SEC62: variants seen among roughly 807,000 people sequenced by gnomAD.
SEC62 encodes translocation protein SEC62.
A neutral mutation model predicts 47.5 loss-of-function variants in SEC62; 10 were observed. The ratio of observed to expected loss-of-function variants is 0.21; its 90% CI spans 0.13 to 0.36. The LOEUF (loss-of-function observed/expected upper bound fraction) is 0.36. Ranked by LOEUF, SEC62 falls within the 10% of genes least tolerant of loss-of-function variation. SEC62 has a pLI of 1.00. For missense variants in SEC62, 327 were observed against 464.1 expected, an observed-to-expected ratio of 0.70 and a Z score of 2.71; for synonymous variants, 136 against 150.5, an observed-to-expected ratio of 0.90 and a Z score of 0.71.
At chr3:169,988,025 A>G (rs546006810) in intron 6 of SEC62, among the ~76,000 whole-genome samples, 12 of 152,354 alleles carry the variant, frequency 7.9e-5, no homozygotes, top group African/African-American at 2.9e-4. Flanking sequence ...TGTAATTTAC[A>G]CTAATAAAAA....
At chr3:169,987,116 A>G (rs1715128129) in intron 6 of SEC62, among the ~76,000 whole-genome samples, 1 of 152,008 alleles carries the variant, frequency 6.6e-6, no homozygotes, top group African/African-American at 2.4e-5. Flanking sequence ...ATATGGTATG[A>G]TAGGATCCCA....
chr3:169,980,199 C>T (rs1714936502), intron 3 of SEC62, among the ~76,000 whole-genome samples: 1 of 151,866 alleles, frequency 6.6e-6, no homozygotes, highest in Non-Finnish European at 1.5e-5. Flanking sequence ...GATGGTGAAA[C>T]TATGAAGAAT....
At chr3:169,979,834 A>G (rs1411453231) in intron 3 of SEC62, among the ~76,000 whole-genome samples, 2 of 152,176 alleles carry the variant, frequency 1.3e-5, no homozygotes, top group Non-Finnish European at 2.9e-5. Flanking sequence ...TGCCAGCTAA[A>G]TCTGAAAACA....
intron 1 of SEC62, among the ~76,000 whole-genome samples, chr3:169,974,956 AT>A (rs1714795585): frequency 1.3e-5 from 2 of 152,158 alleles, no homozygotes; most frequent in Non-Finnish European, 2.9e-5. Flanking sequence ...GCAACATCTT[AT>A]CTTTTTAATT....
At position 169,993,003 on chromosome 3, in the gene SEC62, AGAGGAT is replaced by A. The variant is rs1715283169; in HGVS notation, c.1146_1151del (p.Asp382_Glu383del). Reference sequence around the variant, plus strand: ...AACAGCAAACAGATGGGGATTGTGAAGAGGATGAGGAAGAGGAAAATGATGGAGAAA... The same window carrying A: ...AACAGCAAACAGATGGGGATTGTGAAGAGGAAGAGGAAAATGATGGAGAAA... On this transcript the variant is annotated inframe_deletion, in exon 8 of 8. Coordinates refer to ENST00000337002, the MANE Select transcript of SEC62 (RefSeq NM_003262.4). 6.2e-7 allele frequency: 1 copy of A among 1,613,686 alleles called. No individual in the cohort carries two copies. The highest frequency in any genetic ancestry group is 8.5e-7 in the Non-Finnish European group (1 of 1,179,760).
intron 3 of SEC62, among the ~76,000 whole-genome samples, chr3:169,978,006 A>G (rs1276012842): frequency 6.6e-6 from 1 of 152,230 alleles, no homozygotes; most frequent in Non-Finnish European, 1.5e-5. Flanking sequence ...TCGGCCAGGC[A>G]CAGTGGCTCA....
chr3:169,985,809 A>G lies in SEC62; in HGVS notation c.554A>G (p.Tyr185Cys). 1.2e-6 allele frequency: 2 copies of G among 1,611,388 alleles called. No homozygotes were observed. The highest frequency in any genetic ancestry group is 1.7e-4 in the Middle Eastern group (1 of 6,050). ...GAGGTTTCTTGATTCTTCTAGGTGT[A>G]TGTATGGATCTATGACCCAGTTCAC... ...DQVFLDGNEV[Y>C]VWIYDPVHFK... Residue 185 changes from tyrosine (Y) to cysteine (C), a missense_variant, in exon 6 of 8, where the codon TAT becomes TGT. Transcript: ENST00000337002.
At chr3:169,982,565 T>G (rs1715001570) in intron 3 of SEC62, 142 bp from the exon 4 acceptor site, 1 of 982,220 alleles carries the variant, frequency 1.0e-6, no homozygotes, top group Admixed American at 1.8e-5. Context: ...GTTGACTACT[T>G]TTTCACGGGC....
Position 169,992,537 on chromosome 3 carries a change from A to G in SEC62, c.731-57A>G. ...TTTTCCCAGCTTTTTATTAACAAAT[A>G]CTCCCTTCTGAGGCAGTGTTTGAAT... On this transcript the variant is annotated intron_variant, in intron 7 of 7. Coordinates refer to ENST00000337002, the MANE Select transcript of SEC62 (RefSeq NM_003262.4). The surrounding 1 kb of genome is among the most constrained non-coding windows in gnomAD (Gnocchi z 4.0). 8.6e-6 allele frequency: 10 copies of G among 1,158,300 alleles called. No homozygotes were observed. Among genetic ancestry groups the G allele is most frequent in the Non-Finnish European group, 1.3e-5 (10 of 797,970 alleles). 71.8% of individuals were successfully genotyped at this position (1,158,300 alleles called of 1,614,324 possible). A position where few individuals can be genotyped will look rare whatever the true frequency, so the allele number is the denominator to read the frequency against.
intron 1 of SEC62, among the ~76,000 whole-genome samples, chr3:169,974,499 G>A (rs1714779165): frequency 6.6e-6 from 1 of 152,192 alleles, no homozygotes; most frequent in African/African-American, 2.4e-5. Flanking sequence ...ATAAAGGGAA[G>A]ATGGGGAATG....
At chr3:169,969,116 C>G (rs1714629810) in intron 1 of SEC62, among the ~76,000 whole-genome samples, 1 of 152,046 alleles carries the variant, frequency 6.6e-6, no homozygotes, top group Non-Finnish European at 1.5e-5. Context: ...GTCTGTAATA[C>G]CAACTGAGTT....
intron 1 of SEC62, among the ~76,000 whole-genome samples, chr3:169,974,578 A>G (rs529333196): frequency 6.6e-6 from 1 of 152,366 alleles, no homozygotes; most frequent in African/African-American, 2.4e-5. Flanking sequence ...AGAAGGATTA[A>G]AACGGCCTTT....
Position 169,992,829 on chromosome 3 carries a change from G to A in SEC62, c.966G>A (p.Glu322=), listed in dbSNP as rs1715278738. 5 of 1,613,900 alleles carry A rather than the reference G, an allele frequency of 3.1e-6. No individual in the cohort carries two copies. The South Asian group carries it at 5.5e-5, about 18-fold the overall frequency. The change falls in exon 8 of 8, where the codon GAG becomes GAA. Residue 322 remains glutamate, a synonymous_variant. Transcript: ENST00000337002. This position sits in a 1 kb window ranked among gnomAD's most constrained non-coding sequence, Gnocchi z 4.0. ...KSDSEKKEDE[E]GKVGPGNHGT... is the part of the protein sequence containing the mutation. ...ACAGTGAGAAAAAGGAAGATGAGGA[G>A]GGGAAAGTAGGACCAGGAAATCATG...
At chr3:169,991,067 A>C (rs1041714018) in intron 7 of SEC62, among the ~76,000 whole-genome samples, 4 of 152,214 alleles carry the variant, frequency 2.6e-5, no homozygotes, top group African/African-American at 9.6e-5. Context: ...GAGAAAACTA[A>C]ATATTGGGGT....
chr3:169,980,916 G>A (rs1714957951), intron 3 of SEC62, among the ~76,000 whole-genome samples: 1 of 152,034 alleles, frequency 6.6e-6, no homozygotes, highest in Non-Finnish European at 1.5e-5. Context: ...CATTTGGAGT[G>A]GAAATAAATG....
At chr3:169,989,992 AGATATAT>A (rs1715201602) in intron 7 of SEC62, among the ~76,000 whole-genome samples, 1 of 139,678 alleles carries the variant, frequency 7.2e-6, no homozygotes. Context: ...TATGATATAT[AGATATAT>A]GATATATCAT....
In SEC62 at chr3:169,990,313, A is replaced by G. The variant is rs6771751; in HGVS notation, c.730+1954A>G. On this transcript the variant is annotated intron_variant, in intron 7 of 7. Coordinates refer to ENST00000337002, the MANE Select transcript of SEC62 (RefSeq NM_003262.4). ...GGTCTTGAAATATTATGTATTGGTC[A>G]CAATTATATCTGGTGTTTCTTTGAA... Among the ~76,000 whole-genome samples, 700 of 151,820 alleles carry G rather than the reference A, an allele frequency of 4.6e-3. 11 individuals carry two copies. Among genetic ancestry groups the G allele is most frequent in the African/African-American group, 0.016 (677 of 41,452 alleles).
At position 169,973,325 on chromosome 3, in the gene SEC62, C is replaced by T. The variant is rs1714747640; in HGVS notation, c.37-2283C>T. Among the ~76,000 whole-genome samples, 3 of 152,152 alleles carry T rather than the reference C, an allele frequency of 2.0e-5. 1 individual carries two copies. Among genetic ancestry groups the T allele is most frequent in the Middle Eastern group, 3.4e-3 (1 of 294 alleles). ...AATCATTATGAATCTTGTAGTTGTT[C>T]CTGAACTTGGAGTGTTAAATTTTGA... On this transcript the variant is annotated intron_variant, in intron 1 of 7. Transcript: ENST00000337002.
intron 1 of SEC62, chr3:169,969,231 A>G: frequency 4.5e-6 from 2 of 447,254 alleles, no homozygotes; most frequent in Non-Finnish European, 9.0e-6. Context: ...GATACAAACA[A>G]ATAAGTTCAG....
Sources: allele counts gnomAD v4.1 joint callset (sites outside exome capture counted in the v4.1 genomes callset), GRCh38; gene constraint gnomAD v4.1.1; non-coding constraint Gnocchi (gnomAD v3.1); transcripts MANE v1.5; gene names NCBI Gene and HGNC (gene_info 2026-07-23, HGNC 2026-07-21).